TBC1D5: variants seen among roughly 807,000 people sequenced by gnomAD.
The protein encoded by TBC1D5 is TBC1 domain family member 5, also known as TBC1 domain family, member 5.
In TBC1D5, 75 loss-of-function variants were observed where a neutral mutation model predicts 100.3. That is an observed-to-expected ratio of 0.75 (90% CI 0.62 to 0.91). The LOEUF is 0.91. Among genes scored for constraint, TBC1D5 ranks in the 40% least tolerant of loss-of-function variants. TBC1D5 has a pLI of 0.00. For missense variants in TBC1D5, 910 were observed against 942.4 expected, an observed-to-expected ratio of 0.97 and a Z score of 0.45; for synonymous variants, 323 against 325.6, an observed-to-expected ratio of 0.99 and a Z score of 0.09.
intron 18 of TBC1D5, among the ~76,000 whole-genome samples, chr3:17,211,492 G>C (rs772098571): frequency 2.6e-5 from 4 of 152,212 alleles, no homozygotes; most frequent in African/African-American, 9.6e-5. Flanking sequence ...TAAATTTTCA[G>C]TCTTTTGCTG....
At chr3:17,456,805 T>A (rs752371877) in intron 3 of TBC1D5, among the ~76,000 whole-genome samples, 1 of 152,192 alleles carries the variant, frequency 6.6e-6, no homozygotes, top group Non-Finnish European at 1.5e-5. Context: ...GGAATGCTAT[T>A]CAGCAATAAA....
chr3:17,698,106 C>G (rs1039464349), intron 1 of TBC1D5, among the ~76,000 whole-genome samples: 21 of 152,008 alleles, frequency 1.4e-4, no homozygotes, highest in African/African-American at 5.1e-4. Context: ...GCCAAAAGAA[C>G]AAAGCTGGAG....
chr3:17,336,271 G>C (rs376262495), intron 13 of TBC1D5, among the ~76,000 whole-genome samples: 1 of 152,010 alleles, frequency 6.6e-6, no homozygotes, highest in Non-Finnish European at 1.5e-5. Flanking sequence ...ATATGGCCTA[G>C]AAAACAAAGG....
At chr3:17,719,431 T>C (rs935921774) in intron 1 of TBC1D5, among the ~76,000 whole-genome samples, 2 of 152,210 alleles carry the variant, frequency 1.3e-5, no homozygotes, top group African/African-American at 2.4e-5. Flanking sequence ...TTTTTTTAAA[T>C]GGACTATTAG....
At chr3:17,227,468 T>C (rs1428456986) in intron 17 of TBC1D5, among the ~76,000 whole-genome samples, 1 of 152,098 alleles carries the variant, frequency 6.6e-6, no homozygotes, top group African/African-American at 2.4e-5. Context: ...AATTATCAAA[T>C]TTTTTCTAAA....
At chr3:17,263,102 G>A (rs560489852) in intron 15 of TBC1D5, among the ~76,000 whole-genome samples, 50 of 150,910 alleles carry the variant, frequency 3.3e-4, no homozygotes, top group South Asian at 1.3e-3. Flanking sequence ...GGTGGTACAT[G>A]CTGCTGAGGC....
At chr3:17,581,107 T>C (rs975061034) in intron 2 of TBC1D5, among the ~76,000 whole-genome samples, 31 of 152,198 alleles carry the variant, frequency 2.0e-4, no homozygotes, top group Admixed American at 1.6e-3. Context: ...AGTGAGTAAG[T>C]CTCATGAGAT....
chr3:17,670,610 C>G (rs2067830950), intron 1 of TBC1D5, among the ~76,000 whole-genome samples: 1 of 152,152 alleles, frequency 6.6e-6, no homozygotes, highest in African/African-American at 2.4e-5. Flanking sequence ...TCAATTGGTA[C>G]CAAAATGATG....
At chr3:17,437,587 G>T (rs1295639824) in intron 3 of TBC1D5, among the ~76,000 whole-genome samples, 1 of 147,574 alleles carries the variant, frequency 6.8e-6, no homozygotes, top group African/African-American at 2.5e-5. Flanking sequence ...TGTGTGTGGT[G>T]GGATGGAAAG....
intron 4 of TBC1D5, among the ~76,000 whole-genome samples, chr3:17,410,420 G>A (rs1018215323): frequency 6.6e-6 from 1 of 152,038 alleles, no homozygotes. Context: ...TCCATTCTGC[G>A]GCCCATGAAG....
intron 5 of TBC1D5, among the ~76,000 whole-genome samples, chr3:17,405,810 T>C (rs1335414032): frequency 6.6e-6 from 1 of 152,096 alleles, no homozygotes; most frequent in Non-Finnish European, 1.5e-5. Flanking sequence ...ATAGAATTCA[T>C]TCTAGAAATG....
intron 19 of TBC1D5, among the ~76,000 whole-genome samples, chr3:17,181,338 G>T (rs934643444): frequency 6.6e-6 from 1 of 152,180 alleles, no homozygotes; most frequent in Admixed American, 6.5e-5. Context: ...ACGGCCATGG[G>T]CTGGAAGAGT....
intron 13 of TBC1D5, among the ~76,000 whole-genome samples, chr3:17,331,585 AGGTGCTGTTCAGGGTGCTGGGG>A (rs2086870329): frequency 6.6e-6 from 1 of 152,232 alleles, no homozygotes; most frequent in Non-Finnish European, 1.5e-5. Flanking sequence ...TATCTATGCC[AGGTGCTGTTCAGGGTGCTGGGG>A]ACACAGCAAT....
At chr3:17,675,823 G>A (rs768628170) in intron 1 of TBC1D5, among the ~76,000 whole-genome samples, 6 of 151,944 alleles carry the variant, frequency 3.9e-5, no homozygotes, top group African/African-American at 1.2e-4. Flanking sequence ...ACAAAAAGAC[G>A]TTTCCTTAGA....
chr3:17,173,469 C>A (rs1427609943), intron 19 of TBC1D5, among the ~76,000 whole-genome samples: 1 of 152,116 alleles, frequency 6.6e-6, no homozygotes, highest in Non-Finnish European at 1.5e-5. Flanking sequence ...GGAGCACTGG[C>A]AATGGTACCA....
intron 16 of TBC1D5, among the ~76,000 whole-genome samples, chr3:17,241,068 G>T (rs746580484): frequency 1.3e-4 from 19 of 151,992 alleles, no homozygotes; most frequent in Admixed American, 7.9e-4. Context: ...GTTTCTAGAA[G>T]AATTTTTTTT....
Position 17,258,284 on chromosome 3 carries a change from A to G in TBC1D5, c.1331+222T>C, listed in dbSNP as rs539034907. Among the ~76,000 whole-genome samples the G allele has an allele frequency of 9.8e-5, 15 of 152,292 alleles. No homozygotes were observed. The Middle Eastern group carries it at 0.01, about 104-fold the overall frequency. On this transcript the variant is annotated intron_variant, in intron 16 of 21. Coordinates refer to ENST00000253692, the Ensembl canonical transcript of TBC1D5. ...GAAAAATGAAGTTGCCTAACTTCAAATTGTAACAAGTACTCTTATATTTAT... is the reference window on the plus strand; with the variant it reads ...GAAAAATGAAGTTGCCTAACTTCAAGTTGTAACAAGTACTCTTATATTTAT...
At chr3:17,597,983 T>G (rs1387228508) in intron 2 of TBC1D5, among the ~76,000 whole-genome samples, 1 of 146,908 alleles carries the variant, frequency 6.8e-6, no homozygotes, top group African/African-American at 2.5e-5. Context: ...AAATAAGAAA[T>G]AAGGTAGCCA....
chr3:17,582,484 T>A (rs983422065), intron 2 of TBC1D5, among the ~76,000 whole-genome samples: 1 of 151,812 alleles, frequency 6.6e-6, no homozygotes, highest in Non-Finnish European at 1.5e-5. Flanking sequence ...AAACGGGATA[T>A]AAAAAACAGT....
Sources: gnomAD v4.1 joint callset for allele counts (sites outside exome capture counted in the v4.1 genomes callset) on GRCh38, gnomAD v4.1.1 for gene constraint, MANE v1.5 for transcripts, NCBI Gene and HGNC (gene_info 2026-07-23, HGNC 2026-07-21) for gene names.